ARHGEF26: variants seen among roughly 807,000 people sequenced by gnomAD.
The protein encoded by ARHGEF26 is Rho guanine nucleotide exchange factor 26.
Under a neutral mutation model 89.4 loss-of-function variants are expected in ARHGEF26, and 59 were observed. The ratio of observed to expected loss-of-function variants is 0.66; its 90% CI spans 0.54 to 0.82. The LOEUF (loss-of-function observed/expected upper bound fraction) is 0.82. Among genes scored for constraint, ARHGEF26 ranks in the 40% least tolerant of loss-of-function variants. ARHGEF26 has a pLI of 0.00. For synonymous variants in ARHGEF26, 500 were observed against 428.4 expected, an observed-to-expected ratio of 1.17 and a Z score of -2.06; for missense variants, 1,234 against 1,085.6, an observed-to-expected ratio of 1.14 and a Z score of -1.92.
At chr3:154,229,746 G>T (rs1005807564) in intron 11 of ARHGEF26, among the ~76,000 whole-genome samples, 1 of 152,130 alleles carries the variant, frequency 6.6e-6, no homozygotes, top group African/African-American at 2.4e-5. Flanking sequence ...TCCCCATGGA[G>T]CAAATCCCTG....
chr3:154,199,777 T>C (rs566279953), intron 9 of ARHGEF26, among the ~76,000 whole-genome samples: 37 of 152,298 alleles, frequency 2.4e-4, no homozygotes, highest in Non-Finnish European at 5.1e-4. Flanking sequence ...TAAGATGATA[T>C]CTCATTGTAG....
chr3:154,253,129 C>T lies in ARHGEF26; in HGVS notation c.2314C>T (p.Arg772Cys), dbSNP rs758062526. The stretch of plus-strand genomic sequence containing the variant: ...CCTCTGTTTTAGGAGCGAGCGAGCC[C>T]GCTGGATAACTGCCCTGGGACACAG... ...LGAETQSERA[R>C]WITALGHSSG... Residue 772 changes from arginine (R) to cysteine (C), a missense_variant, in exon 13 of 15, where the codon CGC (arginine) becomes TGC (cysteine). Physicochemically the swap from Arg to Cys is radical, Grantham distance 180. Coordinates refer to ENST00000465093, the MANE Select transcript of ARHGEF26 (RefSeq NM_015595.4). The T allele has an allele frequency of 8.1e-6, 13 of 1,613,990 alleles. No homozygotes were observed. Among genetic ancestry groups the T allele is most frequent in the Admixed American group, 5.0e-5 (3 of 60,018 alleles).
chr3:154,124,006 C>G (rs1174741367), intron 2 of ARHGEF26, among the ~76,000 whole-genome samples: 1 of 152,164 alleles, frequency 6.6e-6, no homozygotes, highest in Non-Finnish European at 1.5e-5. Flanking sequence ...AAAACACAAG[C>G]AAGCCTGTTT....
At chr3:154,203,692 G>A (rs949707570) in intron 9 of ARHGEF26, among the ~76,000 whole-genome samples, 4 of 152,072 alleles carry the variant, frequency 2.6e-5, no homozygotes, top group Non-Finnish European at 4.4e-5. Context: ...AGCACGAAGG[G>A]ATGTTGAATT....
chr3:154,162,964 A>T (rs1017461541), intron 6 of ARHGEF26, among the ~76,000 whole-genome samples: 1 of 152,206 alleles, frequency 6.6e-6, no homozygotes, highest in Non-Finnish European at 1.5e-5. Flanking sequence ...TTTGAACCGC[A>T]TGATGGTAGG....
At chr3:154,241,367 A>G (rs1447893829) in intron 12 of ARHGEF26, among the ~76,000 whole-genome samples, 2 of 152,072 alleles carry the variant, frequency 1.3e-5, no homozygotes, top group Non-Finnish European at 2.9e-5. Flanking sequence ...CCTGCCTCCA[A>G]CTCCATGTCT....
chr3:154,148,029 C>T (rs1280406684), intron 4 of ARHGEF26, among the ~76,000 whole-genome samples: 1 of 152,174 alleles, frequency 6.6e-6, no homozygotes, highest in Non-Finnish European at 1.5e-5. Context: ...CTATAAGGTG[C>T]TACTTAATTT....
chr3:154,233,930 A>G (rs72994645), intron 11 of ARHGEF26, among the ~76,000 whole-genome samples: 1 of 152,386 alleles, frequency 6.6e-6, no homozygotes, highest in African/African-American at 2.4e-5. Flanking sequence ...TGAATGTTCT[A>G]AAGCCTATGG....
At chr3:154,254,645 G>GT (rs747962480) in intron 13 of ARHGEF26, 75 bp from the exon 14 acceptor site, 25 of 1,118,582 alleles carry the variant, frequency 2.2e-5, no homozygotes, top group Non-Finnish European at 3.3e-5. Context: ...AGAAAAATAA[G>GT]TAAGTGTACA....
Position 154,122,543 on chromosome 3 carries a change from C to G in ARHGEF26, c.551C>G (p.Ser184Cys), listed in dbSNP as rs1337280026. The G allele has an allele frequency of 1.2e-6, 2 of 1,613,584 alleles. No individual in the cohort carries two copies. Among genetic ancestry groups the G allele is most frequent in the South Asian group, 1.1e-5 (1 of 91,084 alleles). The change falls in exon 2 of 15, where the codon TCT (serine) becomes TGT (cysteine). Residue 184 changes from serine to cysteine, a missense_variant. Transcript: ENST00000465093. ...AATGGCCTTGCCGCTAATAACGACT[C>G]TCCTGGGTCAGGTTCGCAGTCCGGC... is the stretch of plus-strand genomic sequence containing the variant. ...TANGLAANND[S>C]PGSGSQSGRK...
intron 11 of ARHGEF26, among the ~76,000 whole-genome samples, chr3:154,236,356 T>C (rs1244654687): frequency 6.6e-6 from 1 of 152,238 alleles, no homozygotes; most frequent in African/African-American, 2.4e-5. Context: ...TTGAAGCACC[T>C]GATAGGAGCT....
rs1718520317 is a variant in ARHGEF26 at position 154,256,568 on chromosome 3, A to AC, written c.*1095_*1096insC. 2 of 1,001,598 alleles carry AC rather than the reference A, an allele frequency of 2.0e-6. No homozygotes were observed. Among genetic ancestry groups the AC allele is most frequent in the South Asian group, 4.8e-5 (1 of 21,052 alleles). The allele number at this position is 1,001,598 out of a possible 1,614,324, so 62.0% of individuals were successfully genotyped here. A position where few individuals can be genotyped will look rare whatever the true frequency, so the allele number is the denominator to read the frequency against. ...TTAATTAAAAAAAAAAAAAAAAAAA[A>AC]AAAAAAACCTTCCCAAATGAGCTGA... On this transcript the variant is annotated 3_prime_UTR_variant, in exon 15 of 15. Transcript: ENST00000465093.
At chr3:154,155,699 T>G (rs1720299672) in intron 6 of ARHGEF26, among the ~76,000 whole-genome samples, 1 of 152,022 alleles carries the variant, frequency 6.6e-6, no homozygotes, top group African/African-American at 2.4e-5. Flanking sequence ...AGAGTATGTA[T>G]GTATCCTTAA....
At chr3:154,231,913 T>TG (rs1157249060) in intron 11 of ARHGEF26, among the ~76,000 whole-genome samples, 3,945 of 149,230 alleles carry the variant, frequency 0.026, 103 homozygotes, top group African/African-American at 0.068. Context: ...TTTTTTTTTT[T>TG]CACTATTCCT....
At chr3:154,247,788 G>C (rs781565807) in intron 12 of ARHGEF26, among the ~76,000 whole-genome samples, 1 of 152,076 alleles carries the variant, frequency 6.6e-6, no homozygotes, top group Non-Finnish European at 1.5e-5. Context: ...TAGGATGTAC[G>C]TCGAAGTCAT....
intron 9 of ARHGEF26, among the ~76,000 whole-genome samples, chr3:154,202,111 TTTC>T (rs1427071123): frequency 6.6e-6 from 1 of 152,198 alleles, no homozygotes; most frequent in Non-Finnish European, 1.5e-5. Flanking sequence ...TTGCCTAGGT[TTTC>T]TTCTAGAGTT....
chr3:154,122,123 A>G lies in ARHGEF26; in HGVS notation c.131A>G (p.Asn44Ser), dbSNP rs369109073. The change falls in exon 2 of 15, where the codon AAC (asparagine) becomes AGC (serine). Residue 44 changes from asparagine to serine, a missense_variant. By Grantham distance (46) the Asn-to-Ser change is conservative. Coordinates refer to ENST00000465093, the MANE Select transcript of ARHGEF26 (RefSeq NM_015595.4). ...AGGCCCCAGTCCTACCAGAGCCCCA[A>G]CGGGTTACTAATTACGGATTTCCCG... ...KPRPQSYQSP[N>S]GLLITDFPVE... 1.1e-5 allele frequency: 17 copies of G among 1,607,246 alleles called. No individual in the cohort carries two copies. The highest frequency in any genetic ancestry group is 6.7e-5 in the African/African-American group (5 of 74,612).
chr3:154,194,829 G>T (rs1015220654), intron 9 of ARHGEF26, 111 bp downstream of exon 9: 4 of 873,238 alleles, frequency 4.6e-6, no homozygotes, highest in African/African-American at 3.4e-5. Context: ...ACAGCCATTT[G>T]TACAGCGTTC....
chr3:154,163,089 C>A (rs548206041), intron 6 of ARHGEF26, among the ~76,000 whole-genome samples: 1 of 152,256 alleles, frequency 6.6e-6, no homozygotes, highest in Non-Finnish European at 1.5e-5. Context: ...GTTTTTACTT[C>A]TCTTTCTTAA....
Sources: allele counts gnomAD v4.1 joint callset (sites outside exome capture counted in the v4.1 genomes callset), GRCh38; gene constraint gnomAD v4.1.1; transcripts MANE v1.5; gene names NCBI Gene and HGNC (gene_info 2026-07-23, HGNC 2026-07-21).